PREP: variants seen among roughly 807,000 people sequenced by gnomAD.
The protein encoded by PREP is dJ355L5.1 (prolyl endopeptidase).
In PREP, 29 loss-of-function variants were observed where a neutral mutation model predicts 87.6. That is an observed-to-expected ratio of 0.33 (90% confidence interval 0.25 to 0.45). The LOEUF (loss-of-function observed/expected upper bound fraction) is 0.45. PREP is among the 20% of genes least tolerant of loss of function. The probability of loss-of-function intolerance (pLI) is 1.00; values close to 1 mark genes in which losing one functional copy is unlikely to be tolerated. For synonymous variants in PREP, 337 were observed against 328.6 expected, an observed-to-expected ratio of 1.03 and a Z score of -0.28; for missense variants, 695 against 886.5, an observed-to-expected ratio of 0.78 and a Z score of 2.74.
At chr6:105,289,242 G>A (rs1046988426) in intron 10 of PREP, among the ~76,000 whole-genome samples, 2 of 152,166 alleles carry the variant, frequency 1.3e-5, no homozygotes, top group African/African-American at 4.8e-5. Flanking sequence ...GGGGCACACA[G>A]AAAACAGGCT....
At position 105,323,028 on chromosome 6, in the gene PREP, T is replaced by C. The variant is rs188947323; in HGVS notation, c.1317+637A>G. 3,717 of 1,304,000 alleles carry C rather than the reference T, an allele frequency of 2.9e-3. 7 individuals carry two copies. Among genetic ancestry groups the C allele is most frequent in the Non-Finnish European group, 3.6e-3 (3,520 of 988,918 alleles). The allele number at this position is 1,304,000 out of a possible 1,614,324, so 80.8% of individuals were successfully genotyped here. ...CACCTGGTGCCCTATTGGTGACCTC[T>C]CATTGCAAAGGAACAGAGACATTCT... On this transcript the variant is annotated intron_variant, in intron 10 of 14. Coordinates refer to ENST00000652536, the MANE Select transcript of PREP (RefSeq NM_002726.5).
At chr6:105,334,165 A>T (rs535101515) in intron 7 of PREP, among the ~76,000 whole-genome samples, 1 of 152,202 alleles carries the variant, frequency 6.6e-6, no homozygotes. Flanking sequence ...TCAATCTTTT[A>T]AAGTGATCCA....
At chr6:105,388,283 G>A (rs1305482265) in intron 2 of PREP, among the ~76,000 whole-genome samples, 1 of 152,130 alleles carries the variant, frequency 6.6e-6, no homozygotes, top group East Asian at 1.9e-4. Flanking sequence ...GAGACGGCAG[G>A]CTGAATGACT....
At chr6:105,363,263 A>G (rs1454606528) in intron 6 of PREP, among the ~76,000 whole-genome samples, 1 of 152,158 alleles carries the variant, frequency 6.6e-6, no homozygotes, top group African/African-American at 2.4e-5. Context: ...TTCTAAAGGG[A>G]TGATGCATTT....
intron 10 of PREP, among the ~76,000 whole-genome samples, chr6:105,292,749 T>G (rs779908630): frequency 6.6e-6 from 1 of 152,230 alleles, no homozygotes; most frequent in Non-Finnish European, 1.5e-5. Context: ...AAATCTGTTG[T>G]TTAGTGTATC....
At chr6:105,357,836 A>T (rs1358996335) in intron 6 of PREP, among the ~76,000 whole-genome samples, 2 of 152,200 alleles carry the variant, frequency 1.3e-5, no homozygotes, top group Admixed American at 6.5e-5. Context: ...ATTTAAAAAA[A>T]GAAAAGTAGA....
intron 7 of PREP, among the ~76,000 whole-genome samples, chr6:105,346,825 G>A (rs2114676404): frequency 6.6e-6 from 1 of 152,356 alleles, no homozygotes; most frequent in African/African-American, 2.4e-5. Flanking sequence ...TGTAGGTCGG[G>A]TGCAGTGGCC....
intron 11 of PREP, among the ~76,000 whole-genome samples, chr6:105,286,412 C>T (rs1279887054): frequency 6.6e-6 from 1 of 152,138 alleles, no homozygotes; most frequent in Non-Finnish European, 1.5e-5. Flanking sequence ...GTTCTCAGGG[C>T]TGGAGGATAT....
At chr6:105,279,186 G>T (rs1367817820) in intron 14 of PREP, 2 of 152,158 alleles carry the variant, frequency 1.3e-5, no homozygotes, top group South Asian at 2.1e-4. Context: ...CCTAATAGGG[G>T]TGTCATGTTT....
rs1221780555 is a variant in PREP, at chr6:105,275,980, A to AATCCTT, written c.*2163_*2164insAAGGAT. Among the ~76,000 whole-genome samples the AATCCTT allele has an allele frequency of 1.3e-5, 2 of 152,234 alleles. No individual in the cohort carries two copies. Among genetic ancestry groups the AATCCTT allele is most frequent in the Non-Finnish European group, 2.9e-5 (2 of 68,040 alleles). On this transcript the variant is annotated 3_prime_UTR_variant, in exon 15 of 15. Transcript: ENST00000652536. ...CAGTAGGGTGTCTATAGTTTACAAT[A>AATCCTT]ATCTACTGTGCATTTCAAAATAGCT...
chr6:105,329,116 A>G, intron 8 of PREP, 90 bp from the exon 9 acceptor site: 1 of 1,196,872 alleles, frequency 8.4e-7, no homozygotes, highest in Middle Eastern at 2.5e-4. Flanking sequence ...AGCTACACAT[A>G]GGGCTATGCA....
intron 7 of PREP, among the ~76,000 whole-genome samples, chr6:105,340,815 G>C (rs528087993): frequency 1.0e-3 from 159 of 152,178 alleles, no homozygotes; most frequent in African/African-American, 3.6e-3. Flanking sequence ...AATGGTAAAG[G>C]GATCAATTCA....
chr6:105,391,482 A>T (rs757319583), intron 2 of PREP, among the ~76,000 whole-genome samples: 2 of 152,202 alleles, frequency 1.3e-5, no homozygotes, highest in Non-Finnish European at 2.9e-5. Context: ...TTGGCCTCCC[A>T]AAGTGCTGAG....
chr6:105,281,488 G>GTGTT (rs937349435), intron 14 of PREP: 7 of 371,380 alleles, frequency 1.9e-5, no homozygotes, highest in Admixed American at 4.3e-5. Context: ...ATCTAGGTAA[G>GTGTT]TGTTTGAATA....
chr6:105,317,985 C>T (rs569390503), intron 10 of PREP, among the ~76,000 whole-genome samples: 3 of 152,278 alleles, frequency 2.0e-5, no homozygotes, highest in African/African-American at 7.2e-5. Flanking sequence ...TAGGAGCCTT[C>T]ATTTTTCCAA....
chr6:105,312,015 C>G (rs111741228), intron 10 of PREP, among the ~76,000 whole-genome samples: 10 of 152,306 alleles, frequency 6.6e-5, no homozygotes, highest in African/African-American at 2.2e-4. Flanking sequence ...TAAGTCTCTT[C>G]CAAATACTTA....
At chr6:105,315,523 C>T (rs1454315497) in intron 10 of PREP, among the ~76,000 whole-genome samples, 2 of 152,118 alleles carry the variant, frequency 1.3e-5, no homozygotes, top group African/African-American at 2.4e-5. Context: ...TAAATGTGCA[C>T]TAGCTTCAAC....
chr6:105,339,371 C>A (rs149850917), intron 7 of PREP, among the ~76,000 whole-genome samples: 1 of 152,162 alleles, frequency 6.6e-6, no homozygotes, highest in East Asian at 1.9e-4. Context: ...CACCAAAACC[C>A]CATCTGTACG....
intron 9 of PREP, among the ~76,000 whole-genome samples, chr6:105,327,109 CCCT>C (rs1771184792): frequency 6.6e-6 from 1 of 152,172 alleles, no homozygotes; most frequent in Admixed American, 6.5e-5. Context: ...ACCCTCACTG[CCCT>C]CCTCATTGCC....
Sources: gnomAD v4.1 joint callset for allele counts (sites outside exome capture counted in the v4.1 genomes callset) on GRCh38, gnomAD v4.1.1 for gene constraint, MANE v1.5 for transcripts, NCBI Gene and HGNC (gene_info 2026-07-23, HGNC 2026-07-21) for gene names.